The following EDEM2 variants were observed in gnomAD, a reference collection of about 807,000 sequenced individuals.
EDEM2 encodes ER degradation-enhancing alpha-mannosidase-like protein 2.
EDEM2 carries 39 observed loss-of-function variants against 64.8 expected under a neutral mutation model. The ratio of observed to expected loss-of-function variants is 0.60; its 90% CI spans 0.47 to 0.79. EDEM2 has a LOEUF of 0.79. EDEM2 is among the 30% of genes least tolerant of loss of function. The pLI is 0.00. For synonymous variants in EDEM2, 296 were observed against 291.5 expected, an observed-to-expected ratio of 1.02 and a Z score of -0.16; for missense variants, 609 against 731.3, an observed-to-expected ratio of 0.83 and a Z score of 1.93.
chr20:35,116,084 G>A, intron 10 of EDEM2, 151 bp from the exon 11 acceptor site: 1 of 819,594 alleles, frequency 1.2e-6, no homozygotes, highest in Non-Finnish European at 1.9e-6. Context: ...TCTTTCCCAA[G>A]CCACCATCAT....
chr20:35,122,525 C>T (rs534765636), intron 9 of EDEM2, among the ~76,000 whole-genome samples: 56 of 152,226 alleles, frequency 3.7e-4, no homozygotes, highest in Middle Eastern at 6.8e-3. Flanking sequence ...CAGGTGCACG[C>T]CACCATGCCC....
intron 5 of EDEM2, 88 bp downstream of exon 5, chr20:35,137,792 A>G: frequency 1.3e-6 from 2 of 1,529,478 alleles, no homozygotes; most frequent in Non-Finnish European, 1.8e-6. Context: ...AATACCAGGA[A>G]TTAATTCAGC....
intron 10 of EDEM2, chr20:35,117,033 C>T (rs6141534): frequency 0.37 from 56,418 of 152,008 alleles, 12,234 homozygotes; most frequent in East Asian, 0.57. Flanking sequence ...CCTCGTGATC[C>T]GCCTGCCTTG....
intron 4 of EDEM2, among the ~76,000 whole-genome samples, chr20:35,140,888 G>T (rs1469739628): frequency 2.6e-5 from 4 of 151,766 alleles, no homozygotes; most frequent in Non-Finnish European, 5.9e-5. Flanking sequence ...GGAGGCTGAT[G>T]GGGGGCGGAT....
At chr20:35,144,189 G>C (rs190160567) in intron 3 of EDEM2, among the ~76,000 whole-genome samples, 11 of 152,232 alleles carry the variant, frequency 7.2e-5, no homozygotes, top group Middle Eastern at 3.4e-3. Context: ...GATTACAGGC[G>C]TGAGCCACTG....
chr20:35,120,764 A>AT (rs1322264010), intron 9 of EDEM2, among the ~76,000 whole-genome samples: 2 of 151,952 alleles, frequency 1.3e-5, no homozygotes, highest in African/African-American at 2.4e-5. Context: ...TGCCCGGCTA[A>AT]TTTTTGTATT....
Position 35,147,311 on chromosome 20 carries a change from T to C in EDEM2, c.-53A>G, listed in dbSNP as rs2146121226. ...CAGCAGCAGCAGCCACTGCAACCAG[T>C]TCATCCTGGGAGCTGCTGCGGGTTC... is the stretch of plus-strand genomic sequence containing the variant. On this transcript the variant is annotated 5_prime_UTR_variant, in exon 1 of 11. Coordinates refer to ENST00000374492, the MANE Select transcript of EDEM2 (RefSeq NM_018217.3). 2.1e-6 allele frequency: 3 copies of C among 1,434,076 alleles called. No individual in the cohort carries two copies. In the South Asian group the frequency reaches 4.4e-5, roughly 21 times the overall value. 88.8% of individuals were successfully genotyped at this position (1,434,076 alleles called of 1,614,324 possible).
At chr20:35,128,762 T>C (rs2085469584) in intron 7 of EDEM2, among the ~76,000 whole-genome samples, 1 of 150,158 alleles carries the variant, frequency 6.7e-6, no homozygotes, top group Non-Finnish European at 1.5e-5. Context: ...TGTGTGTTTG[T>C]AGCTTAGTTT....
chr20:35,141,693 T>C (rs1347468915), intron 4 of EDEM2, among the ~76,000 whole-genome samples: 1 of 152,196 alleles, frequency 6.6e-6, no homozygotes, highest in African/African-American at 2.4e-5. Flanking sequence ...CAAGAATCAC[T>C]GGAAGTCTGC....
At chr20:35,141,267 T>C (rs1195504242) in intron 4 of EDEM2, among the ~76,000 whole-genome samples, 2 of 151,656 alleles carry the variant, frequency 1.3e-5, no homozygotes, top group Admixed American at 1.3e-4. Flanking sequence ...CAAAATATAA[T>C]ACACTATTTG....
At chr20:35,124,760 G>A (rs2085410902) in intron 8 of EDEM2, among the ~76,000 whole-genome samples, 1 of 151,990 alleles carries the variant, frequency 6.6e-6, no homozygotes, top group Non-Finnish European at 1.5e-5. Flanking sequence ...AATAGCCTTT[G>A]GTTCTTTATT....
chr20:35,131,873 T>C (rs2085510583), intron 6 of EDEM2, 90 bp from the exon 7 acceptor site: 2 of 1,482,558 alleles, frequency 1.3e-6, no homozygotes, highest in Admixed American at 4.2e-5. Context: ...CCCAGGGAGA[T>C]GCAGGGCAGG....
At chr20:35,135,547 A>T (rs1466358230) in intron 5 of EDEM2, among the ~76,000 whole-genome samples, 1 of 152,200 alleles carries the variant, frequency 6.6e-6, no homozygotes, top group Non-Finnish European at 1.5e-5. Flanking sequence ...GCTATCTGGG[A>T]GACTGAGGCA....
At chr20:35,118,450 C>T (rs759794913) in intron 10 of EDEM2, 148 bp downstream of exon 10, 51 of 1,211,920 alleles carry the variant, frequency 4.2e-5, no homozygotes, top group Non-Finnish European at 5.8e-5. Flanking sequence ...TCTTTGGTCT[C>T]CCCATCTGTA....
chr20:35,118,574 T>C, intron 10 of EDEM2, 24 bp downstream of exon 10: 1 of 1,613,746 alleles, frequency 6.2e-7, no homozygotes, highest in South Asian at 1.1e-5. Flanking sequence ...TCTTCCCAGT[T>C]CTTGGGGCCA....
chr20:35,134,980 AGGAGCAGGG>A, intron 5 of EDEM2, 31 bp from the exon 6 acceptor site: 1 of 1,607,510 alleles, frequency 6.2e-7, no homozygotes, highest in Non-Finnish European at 8.5e-7. Flanking sequence ...GATCCCGGAC[AGGAGCAGGG>A]GGATAGGGAT....
intron 9 of EDEM2, among the ~76,000 whole-genome samples, chr20:35,122,673 CA>C: frequency 6.6e-6 from 1 of 152,248 alleles, no homozygotes. Flanking sequence ...CATGCCCAAC[CA>C]AGTTTCCTGT....
chr20:35,122,635 A>G (rs2085383467), intron 9 of EDEM2, among the ~76,000 whole-genome samples: 1 of 152,076 alleles, frequency 6.6e-6, no homozygotes, highest in Non-Finnish European at 1.5e-5. Flanking sequence ...TGGCCTCCCA[A>G]AGTGCTGGGA....
At chr20:35,120,671 C>T (rs938529577) in intron 9 of EDEM2, among the ~76,000 whole-genome samples, 1 of 146,822 alleles carries the variant, frequency 6.8e-6, no homozygotes, top group African/African-American at 2.5e-5. Flanking sequence ...GATCTTGGCT[C>T]ACTGCAACCT....
Sources: allele counts gnomAD v4.1 joint callset (sites outside exome capture counted in the v4.1 genomes callset), GRCh38; gene constraint gnomAD v4.1.1; transcripts MANE v1.5; gene names NCBI Gene and HGNC (gene_info 2026-07-23, HGNC 2026-07-21).